The following OCA2 variants were observed in gnomAD, a reference collection of about 807,000 sequenced individuals.
OCA2 encodes OCA2 melanosomal transmembrane protein, also known as P protein.
OCA2 carries 77 observed loss-of-function variants against 100.2 expected under a neutral mutation model. The ratio of observed to expected loss-of-function variants is 0.77; its 90% CI spans 0.64 to 0.93. The LOEUF (loss-of-function observed/expected upper bound fraction) is 0.93, where lower values mean the gene tolerates loss of function less well. Among genes scored for constraint, OCA2 ranks in the 40% least tolerant of loss-of-function variants. The pLI is 0.00. For synonymous variants in OCA2, 432 were observed against 439.2 expected (o/e 0.98, Z 0.21); for missense variants, 1,062 against 1,089.1 (o/e 0.98, Z 0.35).
intron 3 of OCA2, among the ~76,000 whole-genome samples, chr15:28,029,918 G>A (rs944772231): frequency 6.6e-6 from 1 of 152,210 alleles, no homozygotes; most frequent in African/African-American, 2.4e-5. Flanking sequence ...CCCTTGAAAT[G>A]GTTTTTGTGA....
chr15:27,828,850 G>A (rs548043635), intron 23 of OCA2, among the ~76,000 whole-genome samples: 17 of 152,168 alleles, frequency 1.1e-4, no homozygotes, highest in Non-Finnish European at 1.6e-4. Context: ...CTGGCTCTCC[G>A]TGGCATGAAG....
chr15:27,752,816 C>T (rs1036452190), downstream of OCA2, among the ~76,000 whole-genome samples: 5 of 89,634 alleles, frequency 5.6e-5, no homozygotes, highest in Non-Finnish European at 1.2e-4. Flanking sequence ...CCCCCCCCCC[C>T]AGAGGCCCAC....
intron 9 of OCA2, among the ~76,000 whole-genome samples, chr15:28,011,761 C>CA (rs1470629188): frequency 2.0e-5 from 3 of 151,470 alleles, no homozygotes; most frequent in Non-Finnish European, 2.9e-5. Flanking sequence ...ACAAAAAATA[C>CA]AAAAAAATTA....
rs888245912 is a variant in OCA2 at position 27,989,416 on chromosome 15, C to T, written c.1182+185G>A. Among the ~76,000 whole-genome samples, 6 of 152,108 alleles carry T rather than the reference C, an allele frequency of 3.9e-5. No homozygotes were observed. In the South Asian group the frequency reaches 8.3e-4, roughly 21 times the overall value. ...GACACGCCTTGGGCTGAAATTCTCC[C>T]GCCCACGAACCATAGCCCCATTCCA... On this transcript the variant is annotated intron_variant, in intron 11 of 23. Coordinates refer to ENST00000354638, the MANE Select transcript of OCA2 (RefSeq NM_000275.3).
rs1185200407 is a variant in OCA2, at chr15:28,086,603, ATC to A, written c.-21-4710_-21-4709del. Among the ~76,000 whole-genome samples the A allele has an allele frequency of 7.9e-5, 12 of 152,318 alleles. No homozygotes were observed. The East Asian group carries it at 2.3e-3, about 29-fold the overall frequency. On this transcript the variant is annotated intron_variant, in intron 1 of 23. Transcript: ENST00000354638. ...ACCTGTCATAGTGATAACCAGGAAA[ATC>A]TCAACTTGAAAGAAAATAGATGATG...
chr15:28,096,082 G>T (rs1265419154), intron 1 of OCA2, among the ~76,000 whole-genome samples: 1 of 151,132 alleles, frequency 6.6e-6, no homozygotes, highest in Non-Finnish European at 1.5e-5. Flanking sequence ...GCCTGGCTGC[G>T]TCTGCAAAGG....
the OCA2 span, among the ~76,000 whole-genome samples, chr15:27,734,985 C>T: frequency 1.3e-5 from 2 of 151,844 alleles, no homozygotes; most frequent in Non-Finnish European, 2.9e-5. Flanking sequence ...ATCAAAGGGA[C>T]AAAATAAAGT....
At chr15:27,849,405 C>T (rs2035663666) in intron 22 of OCA2, among the ~76,000 whole-genome samples, 2 of 152,252 alleles carry the variant, frequency 1.3e-5, no homozygotes, top group South Asian at 4.1e-4. Context: ...GCCAGTAACA[C>T]CTTAGCACGT....
At chr15:27,894,432 A>C (rs1426705364) in intron 19 of OCA2, among the ~76,000 whole-genome samples, 1 of 152,212 alleles carries the variant, frequency 6.6e-6, no homozygotes, top group Non-Finnish European at 1.5e-5. Flanking sequence ...TCTCTGGACG[A>C]GTGGAAATAC....
chr15:28,027,708 G>A (rs1468000426), intron 4 of OCA2, among the ~76,000 whole-genome samples, 163 bp downstream of exon 4: 3 of 152,176 alleles, frequency 2.0e-5, no homozygotes, highest in African/African-American at 4.8e-5. Context: ...GTCTCCCTAG[G>A]CCCAGGTAAA....
Position 27,915,409 on chromosome 15 carries a change from C to T in OCA2, c.2079+10718G>A, listed in dbSNP as rs189621823. On this transcript the variant is annotated intron_variant, in intron 19 of 23. Transcript: ENST00000354638. Reference sequence around the variant, plus strand: ...TCTACATAACAAAAGAAACTATCACCTCAGTAAACGGACAACCAATGGAAT... The same window carrying T: ...TCTACATAACAAAAGAAACTATCACTTCAGTAAACGGACAACCAATGGAAT... Among the ~76,000 whole-genome samples the T allele has an allele frequency of 2.6e-5, 4 of 152,266 alleles. No homozygotes were observed. In the East Asian group the frequency reaches 5.8e-4, roughly 22 times the overall value.
At chr15:27,760,116 C>A (rs2030713091) in intron 23 of OCA2, among the ~76,000 whole-genome samples, 1 of 151,944 alleles carries the variant, frequency 6.6e-6, no homozygotes, top group Admixed American at 6.5e-5. Flanking sequence ...ACTATCCAAG[C>A]ATTTTCAAAT....
At chr15:28,015,062 G>A (rs1052503171) in intron 8 of OCA2, 133 bp from the exon 9 acceptor site, 1 of 975,774 alleles carries the variant, frequency 1.0e-6, no homozygotes, top group Non-Finnish European at 1.6e-6. Context: ...AGCTGGAAGA[G>A]CAGTGAGCAC....
At chr15:27,946,133 T>G (rs2039824543) in intron 18 of OCA2, among the ~76,000 whole-genome samples, 1 of 152,138 alleles carries the variant, frequency 6.6e-6, no homozygotes, top group Non-Finnish European at 1.5e-5. Context: ...TGTGTTACAT[T>G]ATATCCAAAA....
At chr15:27,897,423 G>C (rs2037751607) in intron 19 of OCA2, among the ~76,000 whole-genome samples, 1 of 152,134 alleles carries the variant, frequency 6.6e-6, no homozygotes. Context: ...ATTCCAACCA[G>C]TCCAGCCATG....
intron 21 of OCA2, among the ~76,000 whole-genome samples, chr15:27,869,275 C>T (rs1005101265): frequency 2.6e-5 from 4 of 152,164 alleles, no homozygotes; most frequent in African/African-American, 9.7e-5. Flanking sequence ...ACCCCCACAG[C>T]GGCCACTGCA....
At chr15:27,888,704 T>C (rs867330231) in intron 19 of OCA2, among the ~76,000 whole-genome samples, 2 of 152,162 alleles carry the variant, frequency 1.3e-5, no homozygotes, top group Non-Finnish European at 2.9e-5. Flanking sequence ...GCATCTTCAA[T>C]CTGAAAACAT....
At chr15:27,721,369 C>CT in the OCA2 span, among the ~76,000 whole-genome samples, 1 of 152,030 alleles carries the variant, frequency 6.6e-6, no homozygotes, top group East Asian at 1.9e-4. Flanking sequence ...TCCTGCACCC[C>CT]TCCACAAGAA....
chr15:27,848,247 A>T (rs2151392201), intron 22 of OCA2, among the ~76,000 whole-genome samples: 1 of 152,340 alleles, frequency 6.6e-6, no homozygotes, highest in East Asian at 1.9e-4. Flanking sequence ...GGGCAGGGGC[A>T]GAAATGCAGG....
Sources: allele counts gnomAD v4.1 joint callset (sites outside exome capture counted in the v4.1 genomes callset), GRCh38; gene constraint gnomAD v4.1.1; transcripts MANE v1.5; gene names NCBI Gene and HGNC (gene_info 2026-07-23, HGNC 2026-07-21).